The following SCHIP1 variants were observed in gnomAD, a reference collection of about 807,000 sequenced individuals.
SCHIP1 encodes the protein schwannomin-interacting protein 1.
Under a neutral mutation model 29.7 loss-of-function variants are expected in SCHIP1, and 8 were observed. The observed-to-expected ratio is 0.27, with a 90% CI of 0.16 to 0.49. The LOEUF (loss-of-function observed/expected upper bound fraction) is 0.49, where lower values mean the gene tolerates loss of function less well. Among genes scored for constraint, SCHIP1 ranks in the 20% least tolerant of loss-of-function variants. The probability of loss-of-function intolerance (pLI) is 0.99; values close to 1 mark genes in which losing one functional copy is unlikely to be tolerated. For synonymous variants in SCHIP1, 76 were observed against 94.9 expected (o/e 0.80, Z 1.16); for missense variants, 193 against 294.6 (o/e 0.66, Z 2.52).
chr3:159,460,732 T>C, the SCHIP1 span, among the ~76,000 whole-genome samples: 1 of 152,110 alleles, frequency 6.6e-6, no homozygotes, highest in African/African-American at 2.4e-5. Context: ...ACCCCCTTAG[T>C]CTTGGACAAA....
chr3:159,341,552 T>C, the SCHIP1 span, among the ~76,000 whole-genome samples: 3 of 152,124 alleles, frequency 2.0e-5, no homozygotes, highest in African/African-American at 7.2e-5. Flanking sequence ...CACACAGGGC[T>C]GTTCAGTAGT....
chr3:159,679,005 C>T, the SCHIP1 span, among the ~76,000 whole-genome samples: 1 of 152,196 alleles, frequency 6.6e-6, no homozygotes, highest in Admixed American at 6.5e-5. Flanking sequence ...GCTGGGGACC[C>T]AGAGCCAAAC....
the SCHIP1 span, among the ~76,000 whole-genome samples, chr3:159,529,912 C>G: frequency 1.3e-5 from 2 of 152,136 alleles, no homozygotes; most frequent in Non-Finnish European, 2.9e-5. Flanking sequence ...CAGTTATATC[C>G]ATATTGCTGC....
the SCHIP1 span, among the ~76,000 whole-genome samples, chr3:159,538,219 T>C: frequency 2.0e-4 from 30 of 151,108 alleles, 1 homozygote; most frequent in Non-Finnish European, 7.4e-5. Context: ...GGAGAAGTTT[T>C]AGGATACAGC....
At chr3:159,774,246 G>C in the SCHIP1 span, among the ~76,000 whole-genome samples, 1 of 152,112 alleles carries the variant, frequency 6.6e-6, no homozygotes, top group Non-Finnish European at 1.5e-5. Flanking sequence ...CTTAAAATCT[G>C]CAAGAGCTCT....
the SCHIP1 span, among the ~76,000 whole-genome samples, chr3:159,658,019 G>A: frequency 1.1e-3 from 173 of 152,346 alleles, no homozygotes; most frequent in Non-Finnish European, 2.0e-3. Flanking sequence ...TTCCAGGAGT[G>A]GTGCCTAGCC....
At chr3:159,706,536 C>G in the SCHIP1 span, among the ~76,000 whole-genome samples, 1 of 152,196 alleles carries the variant, frequency 6.6e-6, no homozygotes, top group African/African-American at 2.4e-5. Context: ...CAGACCATAT[C>G]TAATGTTGAG....
chr3:159,394,923 C>T, the SCHIP1 span, among the ~76,000 whole-genome samples: 16 of 152,094 alleles, frequency 1.1e-4, no homozygotes, highest in Non-Finnish European at 1.6e-4. Context: ...TGGTAGAATT[C>T]GGCTGTGAAT....
the SCHIP1 span, among the ~76,000 whole-genome samples, chr3:159,367,571 C>A: frequency 6.6e-6 from 1 of 152,126 alleles, no homozygotes; most frequent in Non-Finnish European, 1.5e-5. Flanking sequence ...CACTGCCAAA[C>A]AAATAATAGA....
chr3:159,519,765 C>A, the SCHIP1 span, among the ~76,000 whole-genome samples: 1 of 151,570 alleles, frequency 6.6e-6, no homozygotes, highest in East Asian at 1.9e-4. Context: ...AAAACAATAT[C>A]TTGAGCACTA....
upstream of SCHIP1, among the ~76,000 whole-genome samples, chr3:159,836,682 A>G (rs1743692232): frequency 6.6e-6 from 1 of 152,030 alleles, no homozygotes; most frequent in Non-Finnish European, 1.5e-5. Flanking sequence ...TAAATTTGAA[A>G]CTCAATACTT....
the SCHIP1 span, among the ~76,000 whole-genome samples, chr3:159,578,953 T>G: frequency 6.6e-6 from 1 of 152,282 alleles, no homozygotes; most frequent in South Asian, 2.1e-4. Flanking sequence ...TTTCAGGGAT[T>G]AGGATTTGGA....
chr3:159,873,364 C>A (rs1450407296), intron 2 of SCHIP1, among the ~76,000 whole-genome samples: 1 of 152,182 alleles, frequency 6.6e-6, no homozygotes, highest in Admixed American at 6.5e-5. Context: ...AAACTAACTC[C>A]ATGCACAGTA....
the SCHIP1 span, among the ~76,000 whole-genome samples, chr3:159,416,781 T>A: frequency 6.6e-6 from 1 of 152,194 alleles, no homozygotes; most frequent in South Asian, 2.1e-4. Context: ...TGCATGCATA[T>A]GGTGTGGCTT....
the SCHIP1 span, among the ~76,000 whole-genome samples, chr3:159,362,972 G>T: frequency 5.3e-5 from 8 of 152,322 alleles, no homozygotes; most frequent in African/African-American, 1.9e-4. Flanking sequence ...AGCTGCATGA[G>T]CAAGGAAGGG....
chr3:159,602,554 C>CA, the SCHIP1 span, among the ~76,000 whole-genome samples: 11 of 151,814 alleles, frequency 7.2e-5, no homozygotes, highest in Non-Finnish European at 1.6e-4. Context: ...ACTAAAAATA[C>CA]AAAAAATAGC....
the SCHIP1 span, among the ~76,000 whole-genome samples, chr3:159,714,427 G>A: frequency 6.2e-4 from 94 of 152,326 alleles, no homozygotes; most frequent in African/African-American, 1.9e-3. Context: ...ACCGTAAGCC[G>A]AAGCAGGGCA....
the SCHIP1 span, among the ~76,000 whole-genome samples, chr3:159,462,230 T>C: frequency 6.6e-6 from 1 of 151,786 alleles, no homozygotes; most frequent in African/African-American, 2.4e-5. Context: ...AAATAAAAAA[T>C]AATAAAAATA....
chr3:159,315,944 A>T, the SCHIP1 span, among the ~76,000 whole-genome samples: 2 of 152,088 alleles, frequency 1.3e-5, no homozygotes, highest in East Asian at 1.9e-4. Flanking sequence ...TAGGGGGCTT[A>T]TCTGTAAAGT....
Sources: gnomAD v4.1 joint callset for allele counts (sites outside exome capture counted in the v4.1 genomes callset) on GRCh38, gnomAD v4.1.1 for gene constraint, MANE v1.5 for transcripts, NCBI Gene and HGNC (gene_info 2026-07-23, HGNC 2026-07-21) for gene names.